The following TFRC variants were observed in gnomAD, a reference collection of about 807,000 sequenced individuals.
The protein encoded by TFRC is transferrin receptor protein 1.
In TFRC, 35 loss-of-function variants were observed where a neutral mutation model predicts 85.8. The observed-to-expected ratio is 0.41, with a 90% confidence interval of 0.31 to 0.54. The LOEUF is 0.54. Ranked by LOEUF, TFRC falls within the 20% of genes least tolerant of loss-of-function variation. The pLI is 0.31. For synonymous variants in TFRC, 362 were observed against 328.6 expected (o/e 1.10, Z -1.10); for missense variants, 828 against 921.5 (o/e 0.90, Z 1.31).
In TFRC at chr3:196,072,094, G is replaced by A. The variant is rs774429998; in HGVS notation, c.493C>T (p.Leu165Phe). ...REAGSQKDEN[L>F]ALYVENQFRE... Reference sequence around the variant, plus strand: ...AATTGATTTTCAACATACAACGCAAGATTTTCATCTTTTTGAGATCCAGCC... The same window carrying A: ...AATTGATTTTCAACATACAACGCAAAATTTTCATCTTTTTGAGATCCAGCC... The change falls in exon 5 of 19, where the codon CTT (leucine) becomes TTT (phenylalanine). Residue 165 changes from leucine (L) to phenylalanine (F), a missense_variant. Coordinates refer to ENST00000360110, the MANE Select transcript of TFRC (RefSeq NM_001128148.3). The A allele has an allele frequency of 1.2e-6, 2 of 1,614,092 alleles. No homozygotes were observed. The highest frequency in any genetic ancestry group is 1.7e-6 in the Non-Finnish European group (2 of 1,180,024).
chr3:196,076,451 C>CT (rs55649226), intron 2 of TFRC, among the ~76,000 whole-genome samples: 3,074 of 132,562 alleles, frequency 0.023, 118 homozygotes, highest in African/African-American at 0.077. Flanking sequence ...TCAGCCTTTG[C>CT]TTTTTTTTTT....
intron 13 of TFRC, 168 bp downstream of exon 13, chr3:196,062,414 T>C (rs925416910): frequency 8.1e-6 from 5 of 615,826 alleles, no homozygotes; most frequent in African/African-American, 3.7e-5. Flanking sequence ...GCACCTGTAA[T>C]CCCAGCTACT....
chr3:196,069,281 T>C (rs199990860), intron 7 of TFRC, among the ~76,000 whole-genome samples, 174 bp downstream of exon 7: 1 of 152,228 alleles, frequency 6.6e-6, no homozygotes, highest in Non-Finnish European at 1.5e-5. Flanking sequence ...CACTTCTGAT[T>C]AGGTAAGTGG....
chr3:196,055,174 GTTAGT>G lies in TFRC; in HGVS notation c.1800_1804del (p.Lys600AsnfsTer3). 6.2e-7 allele frequency: 1 copy of G among 1,614,218 alleles called. No homozygotes were observed. Among genetic ancestry groups the G allele is most frequent in the Non-Finnish European group, 8.5e-7 (1 of 1,180,026 alleles). Reference sequence around the variant, plus strand: ...GTCCAGGTTCAATTCAACATCATGGGTTAGTTTAATCACGAACTGACCAGCGACCT... The same window carrying G: ...GTCCAGGTTCAATTCAACATCATGGGTTAATCACGAACTGACCAGCGACCT... On this transcript the variant is annotated frameshift_variant, in exon 17 of 19. Transcript: ENST00000360110. LOFTEE classifies it high-confidence loss of function.
chr3:196,081,487 G>A (rs1719171502), intron 1 of TFRC, among the ~76,000 whole-genome samples: 1 of 152,214 alleles, frequency 6.6e-6, no homozygotes, highest in Non-Finnish European at 1.5e-5. Flanking sequence ...GGAACCGAAG[G>A]TTTAGGAGCC....
At chr3:196,079,418 C>A (rs1242852314) in intron 1 of TFRC, among the ~76,000 whole-genome samples, 1 of 151,876 alleles carries the variant, frequency 6.6e-6, no homozygotes, top group Non-Finnish European at 1.5e-5. Flanking sequence ...TTGAGACTAG[C>A]CTGACCAAAC....
chr3:196,070,526 T>C (rs1718101461), intron 6 of TFRC, among the ~76,000 whole-genome samples: 1 of 152,142 alleles, frequency 6.6e-6, no homozygotes, highest in Non-Finnish European at 1.5e-5. Flanking sequence ...GTGCTGGGAT[T>C]ACAGGCGTGA....
chr3:196,071,467 T>C lies in TFRC; in HGVS notation c.616A>G (p.Asn206Asp). 1 of 1,614,132 alleles carries C rather than the reference T, an allele frequency of 6.2e-7. No homozygotes were observed. Among genetic ancestry groups the C allele is most frequent in the East Asian group, 2.2e-5 (1 of 44,878 alleles). Residue 206 changes from asparagine to aspartate, a missense_variant, in exon 6 of 19, where the codon AAC (asparagine) becomes GAC (aspartate). Coordinates refer to ENST00000360110, the MANE Select transcript of TFRC (RefSeq NM_001128148.3). ...AQNSVIIVDK[N>D]GRLVYLVENP... is the part of the protein sequence containing the mutation. ...TCCACCAGGTAAACAAGTCTACCGT[T>C]CTTATCAACTATGATCACCGAGTTT...
At chr3:196,061,291 C>A (rs938134327) in intron 13 of TFRC, among the ~76,000 whole-genome samples, 6 of 152,192 alleles carry the variant, frequency 3.9e-5, no homozygotes, top group Middle Eastern at 3.2e-3. Context: ...AAGTACCATT[C>A]TATATGGCAT....
At chr3:196,060,308 T>C in intron 13 of TFRC, 61 bp from the exon 14 acceptor site, 1 of 1,356,566 alleles carries the variant, frequency 7.4e-7, no homozygotes, top group Non-Finnish European at 1.0e-6. Context: ...ACACTGCTAC[T>C]TCTACAACTA....
Position 196,065,514 on chromosome 3 carries a change from G to T in TFRC, c.1127C>A (p.Thr376Asn), listed in dbSNP as rs760283092. 1.0e-5 allele frequency: 16 copies of T among 1,597,682 alleles called. No individual in the cohort carries two copies. In the East Asian group the frequency reaches 3.4e-4, roughly 34 times the overall value. ...VTSESKNVKL[T>N]VSNVLKEIKI... ...TATCTCTTTCAGCACATTGCTCACA[G>T]TGAGCTTCACATTCTTGCTTTCTGA... Residue 376 changes from threonine to asparagine, a missense_variant, in exon 10 of 19, where the codon ACT (threonine) becomes AAT (asparagine). By Grantham distance (65) the Thr-to-Asn change is moderately conservative. Coordinates refer to ENST00000360110, the MANE Select transcript of TFRC (RefSeq NM_001128148.3).
chr3:196,066,025 C>T (rs1178657190), intron 9 of TFRC, among the ~76,000 whole-genome samples: 1 of 149,734 alleles, frequency 6.7e-6, no homozygotes, highest in Non-Finnish European at 1.5e-5. Context: ...AAAATAAAAA[C>T]AAAAAAAAAC....
Position 196,072,123 on chromosome 3 carries a change from C to A in TFRC, c.464G>T (p.Arg155Leu). ...KLLNENSYVP[R>L]EAGSQKDENL... ...TTCATCTTTTTGAGATCCAGCCTCA[C>A]GAGGGACATATGAATTTTCATTCAG... Residue 155 changes from arginine (R) to leucine (L), a missense_variant, in exon 5 of 19, where the codon CGT becomes CTT. Physicochemically the swap from Arg to Leu is moderately radical, Grantham distance 102. Coordinates refer to ENST00000360110, the MANE Select transcript of TFRC (RefSeq NM_001128148.3). The A allele has an allele frequency of 6.2e-7, 1 of 1,613,768 alleles. No homozygotes were observed. The highest frequency in any genetic ancestry group is 8.5e-7 in the Non-Finnish European group (1 of 1,179,940).
intron 6 of TFRC, 65 bp downstream of exon 6, chr3:196,071,331 C>T: frequency 6.8e-7 from 1 of 1,474,510 alleles, no homozygotes; most frequent in South Asian, 1.2e-5. Flanking sequence ...CTCCTAAGAA[C>T]AGAAAAGATG....
rs745648096 is a variant in TFRC, at chr3:196,075,257, T to C, written c.140A>G (p.Asn47Ser). ...EMKLAVDEEE[N>S]ADNNTKANVT... ...ATTGGCCTTTGTGTTATTGTCAGCA[T>C]TTTCTTCTTCATCTACAGCAAGTTT... The change falls in exon 3 of 19, where the codon AAT becomes AGT. Residue 47 changes from asparagine (N) to serine (S), a missense_variant. Coordinates refer to ENST00000360110, the MANE Select transcript of TFRC (RefSeq NM_001128148.3). 2 of 1,614,022 alleles carry C rather than the reference T, an allele frequency of 1.2e-6. No individual in the cohort carries two copies. Among genetic ancestry groups the C allele is most frequent in the African/African-American group, 1.3e-5 (1 of 74,900 alleles).
At chr3:196,058,073 T>C (rs41297517) in intron 16 of TFRC, 49 of 404,136 alleles carry the variant, frequency 1.2e-4, no homozygotes, top group African/African-American at 9.4e-4. Flanking sequence ...GTCATCCTTG[T>C]TATTGATCTT....
In TFRC at chr3:196,053,501, T is replaced by C. The variant is rs1469024406; in HGVS notation, c.1957A>G (p.Thr653Ala). Residue 653 changes from threonine (T) to alanine (A), a missense_variant, in exon 18 of 19, where the codon ACT becomes GCT. Transcript: ENST00000360110. Reference sequence around the variant, plus strand: ...CCGAAATCTGTTGTTAGTCTGGAAGTAGCACGGAAGAAGTCTCCACGAGCA... The same window carrying C: ...CCGAAATCTGTTGTTAGTCTGGAAGCAGCACGGAAGAAGTCTCCACGAGCA... The part of the protein sequence containing the change: ...YSARGDFFRA[T>A]SRLTTDFGNA... The C allele has an allele frequency of 3.1e-6, 5 of 1,614,098 alleles. No homozygotes were observed. Among genetic ancestry groups the C allele is most frequent in the East Asian group, 2.2e-5 (1 of 44,894 alleles).
At chr3:196,062,831 T>G in intron 12 of TFRC, 23 bp downstream of exon 12, 2 of 1,611,158 alleles carry the variant, frequency 1.2e-6, no homozygotes, top group South Asian at 2.2e-5. Flanking sequence ...GTGTCCAATA[T>G]GGGAAGGGAT....
rs1371243237 is a variant in TFRC, at chr3:196,074,179, C to T, written c.239-54G>A. ...TCAGAATTTCATTTGTAATCTATCC[C>T]TGTTAATCTGTTAATATTTTCAGGT... On this transcript the variant is annotated intron_variant, in intron 3 of 18. Transcript: ENST00000360110. 1.4e-5 allele frequency: 20 copies of T among 1,462,490 alleles called. No homozygotes were observed. In the Admixed American group the frequency reaches 2.5e-4, roughly 18 times the overall value. The allele number at this position is 1,462,490 out of a possible 1,614,324, so 90.6% of individuals were successfully genotyped here.
Sources: gnomAD v4.1 joint callset for allele counts (sites outside exome capture counted in the v4.1 genomes callset) on GRCh38, gnomAD v4.1.1 for gene constraint, MANE v1.5 for transcripts, NCBI Gene and HGNC (gene_info 2026-07-23, HGNC 2026-07-21) for gene names.